Variants in FYB1 observed in about 807,000 individuals in gnomAD.
The protein encoded by FYB1 is FYN binding protein 1, also known as FYN-binding protein 1.
FYB1 carries 41 observed loss-of-function variants against 94.1 expected under a neutral mutation model. That is an observed-to-expected ratio of 0.44 (90% CI 0.34 to 0.57). The LOEUF is 0.57. FYB1 is among the 20% of genes least tolerant of loss of function. FYB1 has a pLI of 0.02. For synonymous variants in FYB1, 367 were observed against 353.2 expected (o/e 1.04, Z -0.44); for missense variants, 1,050 against 976.8 (o/e 1.07, Z -1.00).
At chr5:39,240,926 C>T (rs1384693325) in intron 1 of FYB1, among the ~76,000 whole-genome samples, 1 of 152,130 alleles carries the variant, frequency 6.6e-6, no homozygotes, top group Non-Finnish European at 1.5e-5. Context: ...AACCTGAACA[C>T]CATTCAGTGG....
At chr5:39,190,233 A>G (rs1408775115) in intron 2 of FYB1, among the ~76,000 whole-genome samples, 3 of 152,228 alleles carry the variant, frequency 2.0e-5, no homozygotes, top group African/African-American at 7.2e-5. Flanking sequence ...CTGACCGAAA[A>G]GAAGGGAGAT....
intron 11 of FYB1, among the ~76,000 whole-genome samples, chr5:39,126,645 A>G (rs1397929978): frequency 1.4e-5 from 2 of 140,588 alleles, no homozygotes; most frequent in African/African-American, 5.4e-5. Context: ...GCAGTGAGCT[A>G]TGATCCTACC....
chr5:39,116,609 A>G (rs567197675), intron 16 of FYB1, among the ~76,000 whole-genome samples: 2 of 152,264 alleles, frequency 1.3e-5, no homozygotes, highest in Non-Finnish European at 2.9e-5. Flanking sequence ...TCTTAAGGTC[A>G]GCTGGTTCCT....
chr5:39,113,452 AAT>A (rs548949936), intron 16 of FYB1, among the ~76,000 whole-genome samples: 28 of 152,210 alleles, frequency 1.8e-4, no homozygotes, highest in Admixed American at 3.3e-4. Context: ...AATGTTTTGA[AAT>A]ATGTGGTGGG....
At chr5:39,270,092 T>C (rs1032795575) in intron 1 of FYB1, among the ~76,000 whole-genome samples, 3 of 152,178 alleles carry the variant, frequency 2.0e-5, no homozygotes, top group African/African-American at 4.8e-5. Flanking sequence ...TGGGCTTTTT[T>C]TGCGTCTCTT....
At chr5:39,248,813 G>C (rs548752159) in intron 1 of FYB1, among the ~76,000 whole-genome samples, 2 of 152,232 alleles carry the variant, frequency 1.3e-5, no homozygotes, top group Admixed American at 1.3e-4. Context: ...CTCCAGCCTG[G>C]ATGATGAAGT....
intron 2 of FYB1, among the ~76,000 whole-genome samples, chr5:39,192,060 TA>T (rs1178493797): frequency 2.0e-5 from 3 of 152,236 alleles, no homozygotes; most frequent in Non-Finnish European, 4.4e-5. Flanking sequence ...TAATCATTTA[TA>T]AAAGGGTTTT....
intron 5 of FYB1, 193 bp from the exon 6 acceptor site, chr5:39,138,884 C>G (rs1561161444): frequency 1.6e-6 from 1 of 624,942 alleles, no homozygotes; most frequent in South Asian, 1.7e-5. Flanking sequence ...AATTCAAATA[C>G]TCAGTAAAAC....
chr5:39,257,702 G>C (rs1752017859), intron 1 of FYB1, among the ~76,000 whole-genome samples: 1 of 151,888 alleles, frequency 6.6e-6, no homozygotes, highest in African/African-American at 2.4e-5. Context: ...ACCAATTTTC[G>C]CTTAGAATTC....
intron 1 of FYB1, among the ~76,000 whole-genome samples, chr5:39,218,899 C>A (rs943810239): frequency 2.0e-5 from 3 of 152,184 alleles, no homozygotes; most frequent in Non-Finnish European, 4.4e-5. Context: ...ATCATTTATC[C>A]AGTTTGCCAG....
At chr5:39,124,836 A>C (rs1037915857) in intron 12 of FYB1, among the ~76,000 whole-genome samples, 1 of 151,946 alleles carries the variant, frequency 6.6e-6, no homozygotes, top group East Asian at 1.9e-4. Flanking sequence ...GTGCTCTGAA[A>C]TCAGAATTAA....
intron 2 of FYB1, among the ~76,000 whole-genome samples, chr5:39,185,217 G>A (rs1746637176): frequency 1.3e-5 from 2 of 152,034 alleles, no homozygotes; most frequent in African/African-American, 4.8e-5. Flanking sequence ...TAGGATGGTT[G>A]TCTTATTCTT....
At chr5:39,209,308 C>A (rs997549399) in intron 1 of FYB1, among the ~76,000 whole-genome samples, 1 of 149,356 alleles carries the variant, frequency 6.7e-6, no homozygotes, top group Non-Finnish European at 1.5e-5. Context: ...TTTTTTATCC[C>A]GATTAACACT....
intron 1 of FYB1, among the ~76,000 whole-genome samples, chr5:39,256,526 T>G (rs1023481488): frequency 1.6e-4 from 25 of 152,196 alleles, no homozygotes; most frequent in African/African-American, 5.5e-4. Flanking sequence ...GCTTATCAAA[T>G]TAGCTCAGGG....
chr5:39,253,478 A>T (rs1392455574), intron 1 of FYB1, among the ~76,000 whole-genome samples: 2 of 152,166 alleles, frequency 1.3e-5, no homozygotes, highest in African/African-American at 2.4e-5. Context: ...TTTTAAAAAA[A>T]ATATTTTAGG....
chr5:39,249,249 C>T (rs1393842263), intron 1 of FYB1, among the ~76,000 whole-genome samples: 4 of 152,210 alleles, frequency 2.6e-5, no homozygotes, highest in African/African-American at 9.6e-5. Context: ...TCATGAAGTT[C>T]TGACTTTATC....
At chr5:39,239,041 A>G (rs1021410565) in intron 1 of FYB1, among the ~76,000 whole-genome samples, 1 of 152,170 alleles carries the variant, frequency 6.6e-6, no homozygotes, top group Non-Finnish European at 1.5e-5. Context: ...TCGCTACACA[A>G]ATAGAACTAA....
intron 1 of FYB1, chr5:39,270,611 C>T: frequency 6.5e-7 from 1 of 1,532,492 alleles, no homozygotes; most frequent in South Asian, 1.2e-5. Flanking sequence ...ACACAATGAC[C>T]CCGAAGATGG....
At chr5:39,165,203 C>G (rs1303764995) in intron 2 of FYB1, among the ~76,000 whole-genome samples, 1 of 152,118 alleles carries the variant, frequency 6.6e-6, no homozygotes, top group Non-Finnish European at 1.5e-5. Context: ...ACAAAAAGAA[C>G]AAAGCTGGAG....
Sources: gnomAD v4.1 joint callset for allele counts (sites outside exome capture counted in the v4.1 genomes callset) on GRCh38, gnomAD v4.1.1 for gene constraint, MANE v1.5 for transcripts, NCBI Gene and HGNC (gene_info 2026-07-23, HGNC 2026-07-21) for gene names.